The following TENM4 variants were observed in gnomAD, a reference collection of about 807,000 sequenced individuals.
TENM4 encodes the protein teneurin transmembrane protein 4.
A neutral mutation model predicts 243.3 loss-of-function variants in TENM4; 82 were observed. The observed-to-expected ratio is 0.34, with a 90% CI of 0.28 to 0.40. The LOEUF (loss-of-function observed/expected upper bound fraction) is 0.40, where lower values mean the gene tolerates loss of function less well. Ranked by LOEUF, TENM4 falls within the 10% of genes least tolerant of loss-of-function variation. The probability of loss-of-function intolerance (pLI) is 1.00; values close to 1 mark genes in which losing one functional copy is unlikely to be tolerated. For missense variants in TENM4, 3,138 were observed against 3,673.3 expected, an observed-to-expected ratio of 0.85 and a Z score of 3.77; for synonymous variants, 1,412 against 1,456.3, an observed-to-expected ratio of 0.97 and a Z score of 0.69.
chr11:78,709,903 G>A (rs771485907), intron 26 of TENM4, among the ~76,000 whole-genome samples: 8 of 152,186 alleles, frequency 5.3e-5, no homozygotes, highest in Non-Finnish European at 1.0e-4. Flanking sequence ...GTTCAGAATC[G>A]CAAGAATCAG....
intron 2 of TENM4, among the ~76,000 whole-genome samples, chr11:79,218,880 TATTCATTCATTCACATATTCACTC>T (rs1212074387): frequency 6.6e-6 from 1 of 152,240 alleles, no homozygotes; most frequent in Admixed American, 6.5e-5. Context: ...ATTATGGCAT[TATTCATTCATTCACATATTCACTC>T]ATTCATTCAT....
intron 3 of TENM4, among the ~76,000 whole-genome samples, chr11:79,163,164 C>G (rs530693480): frequency 8.5e-4 from 129 of 152,206 alleles, no homozygotes; most frequent in South Asian, 6.2e-3. Context: ...CACAGACGAT[C>G]TGAGAGGACA....
At chr11:79,328,846 A>G (rs1171211148) in intron 1 of TENM4, among the ~76,000 whole-genome samples, 1 of 152,148 alleles carries the variant, frequency 6.6e-6, no homozygotes, top group Non-Finnish European at 1.5e-5. Context: ...TCTTCTTCCC[A>G]GAAGAAGAAA....
At chr11:79,023,911 G>A (rs1452511744) in intron 6 of TENM4, among the ~76,000 whole-genome samples, 8 of 152,238 alleles carry the variant, frequency 5.3e-5, no homozygotes, top group African/African-American at 1.9e-4. Flanking sequence ...TTTACTAAGT[G>A]CCACTACCAG....
intron 3 of TENM4, among the ~76,000 whole-genome samples, chr11:79,152,113 T>C (rs1163737049): frequency 6.6e-6 from 1 of 152,098 alleles, no homozygotes; most frequent in Admixed American, 6.6e-5. Context: ...TCCTCAAAAT[T>C]GAGGACTAGA....
chr11:78,726,264 G>A (rs1855508416), intron 22 of TENM4, 42 bp from the exon 23 acceptor site: 3 of 1,603,604 alleles, frequency 1.9e-6, no homozygotes, highest in Middle Eastern at 1.7e-4. Context: ...AGTGAGCAAA[G>A]CCCACTCTTT....
At chr11:79,172,523 A>C (rs1863068035) in intron 3 of TENM4, among the ~76,000 whole-genome samples, 1 of 152,132 alleles carries the variant, frequency 6.6e-6, no homozygotes, top group Non-Finnish European at 1.5e-5. Flanking sequence ...CCAATCCATC[A>C]GCAAATCCTG....
chr11:79,139,155 T>C (rs189789309), intron 4 of TENM4, among the ~76,000 whole-genome samples: 983 of 36,898 alleles, frequency 0.027, 110 homozygotes, highest in African/African-American at 0.055. Context: ...ATATATAAAA[T>C]ATATATTATA....
At chr11:79,281,130 C>T (rs1246059437) in intron 2 of TENM4, among the ~76,000 whole-genome samples, 3 of 152,202 alleles carry the variant, frequency 2.0e-5, no homozygotes, top group African/African-American at 7.2e-5. Flanking sequence ...CCTCAGCCTT[C>T]CGGGAGCTTC....
At chr11:78,683,444 G>A (rs1858570498) in intron 29 of TENM4, among the ~76,000 whole-genome samples, 1 of 68,422 alleles carries the variant, frequency 1.5e-5, no homozygotes, top group African/African-American at 7.5e-5. Context: ...CGTGGGCGTA[G>A]GACCCTCTGA....
At chr11:78,666,439 C>G (rs1858161980) in intron 32 of TENM4, among the ~76,000 whole-genome samples, 1 of 152,166 alleles carries the variant, frequency 6.6e-6, no homozygotes, top group Admixed American at 6.5e-5. Context: ...GAAAAGCTGC[C>G]TTGGACCCTG....
intron 6 of TENM4, among the ~76,000 whole-genome samples, chr11:78,911,638 AG>A (rs1046405509): frequency 1.3e-5 from 2 of 152,198 alleles, no homozygotes; most frequent in African/African-American, 4.8e-5. Context: ...CAAAACCATC[AG>A]GGTGGGGCCC....
intron 10 of TENM4, among the ~76,000 whole-genome samples, chr11:78,856,582 G>C (rs192602953): frequency 2.3e-4 from 35 of 152,220 alleles, no homozygotes; most frequent in Non-Finnish European, 4.1e-4. Context: ...GGGGAACAAA[G>C]TGTTATTAAT....
At chr11:78,885,163 T>C (rs1254625010) in intron 9 of TENM4, among the ~76,000 whole-genome samples, 1 of 152,184 alleles carries the variant, frequency 6.6e-6, no homozygotes, top group Non-Finnish European at 1.5e-5. Flanking sequence ...AAAACTAGCA[T>C]TGCCCCTTTC....
intron 4 of TENM4, among the ~76,000 whole-genome samples, chr11:79,138,916 TATTACATTTCC>T (rs1862187739): frequency 9.8e-6 from 1 of 102,366 alleles, no homozygotes; most frequent in Non-Finnish European, 1.8e-5. Context: ...TATAAATATA[TATTACATTTCC>T]ATAAATATAT....
chr11:79,172,931 G>A (rs1040509570), intron 3 of TENM4, among the ~76,000 whole-genome samples: 5 of 152,074 alleles, frequency 3.3e-5, no homozygotes, highest in East Asian at 1.9e-4. Context: ...GTGAGCCACC[G>A]TGCCTGGCCC....
In TENM4 at chr11:79,431,760, C is replaced by G. The variant is rs188720942; in HGVS notation, c.-321+8749G>C. ...GTCATACATTCAGTACGTGGCATAC[C>G]CAGGAAATGAACCCAGTCCTCTAGC... On this transcript the variant is annotated intron_variant, in intron 1 of 33. Transcript: ENST00000278550. 8.5e-5 allele frequency among the ~76,000 whole-genome samples: 13 copies of G among 152,126 alleles called. No homozygotes were observed. The East Asian group carries it at 2.5e-3, about 30-fold the overall frequency.
intron 5 of TENM4, among the ~76,000 whole-genome samples, chr11:79,065,251 A>AG (rs1860215096): frequency 6.6e-6 from 1 of 152,152 alleles, no homozygotes; most frequent in South Asian, 2.1e-4. Context: ...TGCTCTGTGA[A>AG]GTCTACCCCA....
chr11:79,194,318 G>A (rs1863577801), intron 3 of TENM4, among the ~76,000 whole-genome samples: 2 of 151,696 alleles, frequency 1.3e-5, no homozygotes, highest in Non-Finnish European at 1.5e-5. Context: ...ATAGGGCATT[G>A]CTGAAAAGAT....
Sources: allele counts gnomAD v4.1 joint callset (sites outside exome capture counted in the v4.1 genomes callset), GRCh38; gene constraint gnomAD v4.1.1; transcripts MANE v1.5; gene names NCBI Gene and HGNC (gene_info 2026-07-23, HGNC 2026-07-21).